MAP3K21: variants seen among roughly 807,000 people sequenced by gnomAD.
The protein encoded by MAP3K21 is mitogen-activated protein kinase kinase kinase 21.
A neutral mutation model predicts 86.1 loss-of-function variants in MAP3K21; 63 were observed. That is an observed-to-expected ratio of 0.73 (90% confidence interval 0.60 to 0.90). The LOEUF is 0.90. Ranked by LOEUF, MAP3K21 falls within the 40% of genes least tolerant of loss-of-function variation. The pLI, the probability that MAP3K21 is intolerant of heterozygous loss-of-function variation, is 0.00. For synonymous variants in MAP3K21, 558 were observed against 564.8 expected, an observed-to-expected ratio of 0.99 and a Z score of 0.17; for missense variants, 1,220 against 1,367.7, an observed-to-expected ratio of 0.89 and a Z score of 1.70.
chr1:233,356,704 G>A (rs973088562), intron 4 of MAP3K21, among the ~76,000 whole-genome samples: 1 of 152,144 alleles, frequency 6.6e-6, no homozygotes, highest in African/African-American at 2.4e-5. Context: ...TCCATTAACA[G>A]GGGAACAGAT....
At chr1:233,335,039 T>C (rs1001925037) in intron 1 of MAP3K21, among the ~76,000 whole-genome samples, 1 of 151,892 alleles carries the variant, frequency 6.6e-6, no homozygotes, top group African/African-American at 2.4e-5. Context: ...TCTAACTACT[T>C]CCAAAATTGG....
intron 1 of MAP3K21, among the ~76,000 whole-genome samples, chr1:233,339,747 G>A (rs1663003385): frequency 6.6e-6 from 1 of 152,006 alleles, no homozygotes; most frequent in Non-Finnish European, 1.5e-5. Context: ...GCCTCCCAAA[G>A]TGCTGGGATT....
rs377390525 is a variant in MAP3K21 at position 233,375,622 on chromosome 1, A to T, written c.1676-294A>T. Among the ~76,000 whole-genome samples, 9 of 152,314 alleles carry T rather than the reference A, an allele frequency of 5.9e-5. No homozygotes were observed. The East Asian group carries it at 1.7e-3, about 29-fold the overall frequency. On this transcript the variant is annotated intron_variant, in intron 6 of 9. Coordinates refer to ENST00000366624, the MANE Select transcript of MAP3K21 (RefSeq NM_032435.3). ...GTGATTTCCCTCCCAATTACAATGAAATCCTAATTGTTGCAAAATGCTAAA... is the reference window on the plus strand; with the variant it reads ...GTGATTTCCCTCCCAATTACAATGATATCCTAATTGTTGCAAAATGCTAAA...
intron 2 of MAP3K21, among the ~76,000 whole-genome samples, chr1:233,348,778 C>G (rs559504739): frequency 3.1e-4 from 47 of 151,802 alleles, no homozygotes; most frequent in Middle Eastern, 6.8e-3. Flanking sequence ...TAAAAGAAAA[C>G]TGGGAATGAG....
intron 9 of MAP3K21, 34 bp downstream of exon 9, chr1:233,379,744 A>C (rs1345046496): frequency 6.9e-7 from 1 of 1,452,400 alleles, no homozygotes; most frequent in Non-Finnish European, 9.5e-7. Context: ...AGCATAAAAC[A>C]CTGCTGTAGA....
In MAP3K21 at chr1:233,328,453, C is replaced by T. The variant is rs1174592007; in HGVS notation, c.425C>T (p.Thr142Ile). Residue 142 changes from threonine to isoleucine, a missense_variant, in exon 1 of 10, where the codon ACC becomes ATC. Thr to Ile is a moderately conservative substitution (Grantham distance 89). Coordinates refer to ENST00000366624, the MANE Select transcript of MAP3K21 (RefSeq NM_032435.3). The surrounding 1 kb of genome is among the most constrained non-coding windows in gnomAD (Gnocchi z 8.7). ...AGGFGQVYRA[T>I]WQGQEVAVKA... ...GGCTTCGGGCAGGTGTACCGCGCCACCTGGCAGGGCCAGGAGGTGGCCGTG... is the reference window on the plus strand; with the variant it reads ...GGCTTCGGGCAGGTGTACCGCGCCATCTGGCAGGGCCAGGAGGTGGCCGTG... 1 of 1,495,872 alleles carries T rather than the reference C, an allele frequency of 6.7e-7. No homozygotes were observed. Among genetic ancestry groups the T allele is most frequent in the Non-Finnish European group, 8.8e-7 (1 of 1,132,562 alleles). 92.7% of individuals were successfully genotyped at this position (1,495,872 alleles called of 1,614,324 possible).
At chr1:233,357,434 TAAAA>T (rs1023434204) in intron 4 of MAP3K21, among the ~76,000 whole-genome samples, 1 of 150,302 alleles carries the variant, frequency 6.7e-6, no homozygotes. Flanking sequence ...AAAATAAAAA[TAAAA>T]AAATAAAGTA....
intron 1 of MAP3K21, among the ~76,000 whole-genome samples, chr1:233,334,962 T>C (rs199752872): frequency 1.9e-5 from 1 of 52,096 alleles, no homozygotes; most frequent in Admixed American, 2.4e-4. Context: ...TTTCTTTCTT[T>C]CTTTTTTTTT....
chr1:233,376,552 T>C (rs766916805), intron 8 of MAP3K21, 25 bp downstream of exon 8: 1 of 1,548,604 alleles, frequency 6.5e-7, no homozygotes, highest in Non-Finnish European at 8.9e-7. Flanking sequence ...GGAGGTAGGA[T>C]TTGCTTGAGC....
In MAP3K21 at chr1:233,328,335, G is replaced by A; in HGVS notation, c.307G>A (p.Ala103Thr). 2 of 1,471,802 alleles carry A rather than the reference G, an allele frequency of 1.4e-6. No individual in the cohort carries two copies. Among genetic ancestry groups the A allele is most frequent in the South Asian group, 1.3e-5 (1 of 76,884 alleles). 91.2% of individuals were successfully genotyped at this position (1,471,802 alleles called of 1,614,324 possible). ...PANYVAPCRP[A>T]ASPAPPPSRP... ...CAACTACGTGGCTCCCTGCCGCCCG[G>A]CCGCCAGCCCCGCGCCGCCGCCCTC... The change falls in exon 1 of 10, where the codon GCC becomes ACC. Residue 103 changes from alanine to threonine, a missense_variant. Ala to Thr is a moderately conservative substitution (Grantham distance 58). This residue lies in a region of MAP3K21 where 369 missense variants were observed against 385.3 expected (regional missense o/e 0.96). Coordinates refer to ENST00000366624, the MANE Select transcript of MAP3K21 (RefSeq NM_032435.3). The surrounding 1 kb of genome is among the most constrained non-coding windows in gnomAD (Gnocchi z 8.7).
intron 9 of MAP3K21, among the ~76,000 whole-genome samples, chr1:233,380,370 T>A (rs1200738662): frequency 6.6e-6 from 1 of 152,154 alleles, no homozygotes; most frequent in Non-Finnish European, 1.5e-5. Context: ...TGTCCTAATC[T>A]CTTTTTAGGA....
chr1:233,368,819 C>T (rs1236855714), intron 5 of MAP3K21, among the ~76,000 whole-genome samples: 2 of 152,136 alleles, frequency 1.3e-5, no homozygotes, highest in Non-Finnish European at 2.9e-5. Flanking sequence ...TAACTTTCTC[C>T]GTCAACAAAC....
At chr1:233,379,840 A>C (rs1663881065) in intron 9 of MAP3K21, 130 bp downstream of exon 9, 1 of 703,710 alleles carries the variant, frequency 1.4e-6, no homozygotes, top group Admixed American at 2.9e-5. Context: ...GTTCATGTAG[A>C]TCTTTGAACC....
chr1:233,359,235 C>T (rs1663423963), intron 4 of MAP3K21, among the ~76,000 whole-genome samples: 1 of 152,138 alleles, frequency 6.6e-6, no homozygotes, highest in Admixed American at 6.5e-5. Flanking sequence ...TGGATGTCAG[C>T]TCTTTCTCTA....
intron 2 of MAP3K21, among the ~76,000 whole-genome samples, chr1:233,350,692 G>A (rs558077134): frequency 1.3e-5 from 2 of 152,064 alleles, no homozygotes; most frequent in African/African-American, 2.4e-5. Context: ...TGGTTTTGCA[G>A]GTTAAGTAGC....
intron 2 of MAP3K21, among the ~76,000 whole-genome samples, chr1:233,347,031 A>C (rs1291078566): frequency 6.6e-6 from 1 of 152,110 alleles, no homozygotes; most frequent in Non-Finnish European, 1.5e-5. Flanking sequence ...GTGCACTACC[A>C]TGCCTGGCTA....
chr1:233,364,476 G>A (rs1663533277), intron 5 of MAP3K21, among the ~76,000 whole-genome samples: 1 of 152,144 alleles, frequency 6.6e-6, no homozygotes, highest in African/African-American at 2.4e-5. Flanking sequence ...AGAAGCTGAT[G>A]GAAAGGGAAG....
intron 4 of MAP3K21, among the ~76,000 whole-genome samples, chr1:233,356,811 G>A (rs75294814): frequency 0.021 from 3,131 of 152,258 alleles, 107 homozygotes; most frequent in African/African-American, 0.071. Flanking sequence ...GACTATAAAT[G>A]AAATGATGTA....
At chr1:233,334,053 G>C (rs1662865809) in intron 1 of MAP3K21, among the ~76,000 whole-genome samples, 1 of 152,052 alleles carries the variant, frequency 6.6e-6, no homozygotes, top group African/African-American at 2.4e-5. Flanking sequence ...TTTTAGTAGA[G>C]ATGGGGTTTC....
Sources: allele counts gnomAD v4.1 joint callset (sites outside exome capture counted in the v4.1 genomes callset), GRCh38; gene constraint gnomAD v4.1.1; regional missense constraint gnomAD v4.1.1; non-coding constraint Gnocchi (gnomAD v3.1); transcripts MANE v1.5; gene names NCBI Gene and HGNC (gene_info 2026-07-23, HGNC 2026-07-21).